RNF212B: variants seen among roughly 807,000 people sequenced by gnomAD.
RNF212B encodes ring finger protein 212B.
A neutral mutation model predicts 55.5 loss-of-function variants in RNF212B; 52 were observed. That is an observed-to-expected ratio of 0.94 (90% CI 0.75 to 1.18). RNF212B has a LOEUF of 1.18. Among genes scored for constraint, RNF212B ranks in the 50% most tolerant of loss-of-function variants. The pLI is 0.00. For synonymous variants in RNF212B, 99 were observed against 121.4 expected (o/e 0.82, Z 1.21); for missense variants, 289 against 350.4 (o/e 0.82, Z 1.40).
intron 9 of RNF212B, 27 bp downstream of exon 9, chr14:23,262,997 T>C (rs1885411500): frequency 1.3e-6 from 2 of 1,546,392 alleles, no homozygotes; most frequent in Non-Finnish European, 1.7e-6. Context: ...ACATTAAAAC[T>C]GTTGGCAAAA....
intron 11 of RNF212B, among the ~76,000 whole-genome samples, chr14:23,267,723 C>T (rs1309212631): frequency 6.6e-6 from 1 of 152,200 alleles, no homozygotes; most frequent in Non-Finnish European, 1.5e-5. Flanking sequence ...AGCCACTGTG[C>T]CTGGCCCAAC....
rs759223605 is a variant in RNF212B at position 23,208,763 on chromosome 14, T to TTTTG, written c.-2+15365_-2+15366insGTTT. Among the ~76,000 whole-genome samples, 523 of 129,012 alleles carry TTTTG rather than the reference T, an allele frequency of 4.1e-3. 22 individuals carry two copies. Among genetic ancestry groups the TTTTG allele is most frequent in the Middle Eastern group, 7.4e-3 (2 of 272 alleles). The allele number at this position is 129,012 out of a possible 152,430, so 84.6% of individuals were successfully genotyped here. On this transcript the variant is annotated intron_variant, in intron 2 of 15. Transcript: ENST00000399910. Reference sequence around the variant, plus strand: ...CCAAGGGCTGCTGGTTGCCGTTTTTTTTTTTTTTTTTTTGAGACGGAGTCT... The same window carrying TTTTG: ...CCAAGGGCTGCTGGTTGCCGTTTTTTTTTGTTTTTTTTTTTTTGAGACGGAGTCT...
At chr14:23,266,941 A>G (rs1358456923) in intron 11 of RNF212B, among the ~76,000 whole-genome samples, 1 of 152,072 alleles carries the variant, frequency 6.6e-6, no homozygotes, top group East Asian at 1.9e-4. Flanking sequence ...TATTAAAGTC[A>G]CCAACTATTA....
intron 11 of RNF212B, among the ~76,000 whole-genome samples, chr14:23,267,625 C>T (rs1462503706): frequency 6.6e-6 from 1 of 152,140 alleles, no homozygotes; most frequent in Non-Finnish European, 1.5e-5. Flanking sequence ...GACAAGGTTT[C>T]ACCATGTTGG....
intron 14 of RNF212B, 142 bp downstream of exon 14, chr14:23,270,803 C>G (rs965437830): frequency 1.6e-6 from 1 of 627,026 alleles, no homozygotes; most frequent in African/African-American, 1.8e-5. Context: ...TCACAATCTT[C>G]CAGAATGGTC....
chr14:23,250,438 G>A (rs1472758644), intron 4 of RNF212B, among the ~76,000 whole-genome samples: 1 of 149,522 alleles, frequency 6.7e-6, no homozygotes. Flanking sequence ...AGCCTAGAAT[G>A]TGCCACTGCA....
intron 2 of RNF212B, among the ~76,000 whole-genome samples, chr14:23,198,020 C>T (rs925323601): frequency 2.0e-5 from 3 of 152,088 alleles, no homozygotes; most frequent in Admixed American, 6.5e-5. Flanking sequence ...GGGGCAGGAA[C>T]AAATCACAAT....
intron 2 of RNF212B, among the ~76,000 whole-genome samples, chr14:23,199,807 G>A (rs1169215494): frequency 6.6e-6 from 1 of 152,038 alleles, no homozygotes; most frequent in Non-Finnish European, 1.5e-5. Context: ...TATGTAAATT[G>A]GTTGCTGTTA....
At chr14:23,258,395 C>A (rs959937281) in intron 4 of RNF212B, 154 bp from the exon 5 acceptor site, 2 of 376,592 alleles carry the variant, frequency 5.3e-6, no homozygotes, top group Non-Finnish European at 9.4e-6. Flanking sequence ...GAGTGCTGAG[C>A]TCTCTAGTTC....
intron 2 of RNF212B, among the ~76,000 whole-genome samples, chr14:23,221,861 A>G (rs944197476): frequency 2.0e-5 from 3 of 152,232 alleles, no homozygotes; most frequent in African/African-American, 7.2e-5. Flanking sequence ...GAACACATGG[A>G]AATTAAACAG....
At chr14:23,253,162 G>A (rs1015587646) in intron 4 of RNF212B, among the ~76,000 whole-genome samples, 1 of 151,910 alleles carries the variant, frequency 6.6e-6, no homozygotes, top group African/African-American at 2.4e-5. Flanking sequence ...TAAAAGATAG[G>A]AACTTTTTTC....
chr14:23,203,385 G>A (rs540962095), intron 2 of RNF212B, among the ~76,000 whole-genome samples: 10 of 151,902 alleles, frequency 6.6e-5, no homozygotes, highest in East Asian at 1.9e-4. Context: ...AAACATGTGC[G>A]TGCAAATATC....
At chr14:23,207,449 C>A (rs932232053) in intron 2 of RNF212B, among the ~76,000 whole-genome samples, 2 of 152,120 alleles carry the variant, frequency 1.3e-5, no homozygotes, top group Non-Finnish European at 2.9e-5. Flanking sequence ...CTGTTGGAAG[C>A]AAGTAAAACT....
chr14:23,254,022 T>C (rs1332081498), intron 4 of RNF212B, among the ~76,000 whole-genome samples: 1 of 152,170 alleles, frequency 6.6e-6, no homozygotes, highest in African/African-American at 2.4e-5. Context: ...CTCATTCCTG[T>C]AATCCCAACA....
chr14:23,253,657 T>C (rs1402185219), intron 4 of RNF212B, among the ~76,000 whole-genome samples: 1 of 152,208 alleles, frequency 6.6e-6, no homozygotes, highest in Non-Finnish European at 1.5e-5. Context: ...CCTTAATTCA[T>C]TAGAAGTTGT....
intron 2 of RNF212B, among the ~76,000 whole-genome samples, chr14:23,241,775 G>A (rs1005334615): frequency 1.3e-5 from 2 of 151,544 alleles, no homozygotes; most frequent in Admixed American, 6.6e-5. Context: ...CTCTGGCAAC[G>A]TTACGGACTG....
chr14:23,187,812 C>A (rs1329694757), intron 1 of RNF212B, among the ~76,000 whole-genome samples: 1 of 152,160 alleles, frequency 6.6e-6, no homozygotes, highest in African/African-American at 2.4e-5. Flanking sequence ...AGCCAACTTT[C>A]TTCCCAGAGT....
At chr14:23,264,120 A>G in intron 9 of RNF212B, 54 bp from the exon 10 acceptor site, 1 of 1,406,134 alleles carries the variant, frequency 7.1e-7, no homozygotes, top group Non-Finnish European at 9.7e-7. Context: ...AACAACAATA[A>G]AAAGTAAAAC....
At chr14:23,260,633 T>G in intron 6 of RNF212B, 26 bp from the exon 7 acceptor site, 1 of 1,550,020 alleles carries the variant, frequency 6.5e-7, no homozygotes, top group Non-Finnish European at 8.7e-7. Flanking sequence ...TGCAGCTTTC[T>G]TCACTCCTGG....
Sources: allele counts gnomAD v4.1 joint callset (sites outside exome capture counted in the v4.1 genomes callset), GRCh38; gene constraint gnomAD v4.1.1; transcripts MANE v1.5; gene names NCBI Gene and HGNC (gene_info 2026-07-23, HGNC 2026-07-21).